The following THADA variants were observed in gnomAD, a reference collection of about 807,000 sequenced individuals.
THADA encodes THADA armadillo repeat containing.
A neutral mutation model predicts 219.8 loss-of-function variants in THADA; 213 were observed. The observed-to-expected ratio is 0.97, with a 90% CI of 0.87 to 1.09. The LOEUF is 1.09. Among genes scored for constraint, THADA ranks in the 50% least tolerant of loss-of-function variants. The pLI is 0.00. For synonymous variants in THADA, 1,018 were observed against 828.9 expected (o/e 1.23, Z -3.92); for missense variants, 2,956 against 2,311.3 (o/e 1.28, Z -5.72).
chr2:43,247,653 C>T (rs934317747), intron 36 of THADA, among the ~76,000 whole-genome samples: 4 of 148,010 alleles, frequency 2.7e-5, no homozygotes, highest in African/African-American at 1.0e-4. Flanking sequence ...CGCTTGAACC[C>T]AGGAGGCGGA....
At chr2:43,433,278 C>T (rs1408350593) in intron 26 of THADA, among the ~76,000 whole-genome samples, 3 of 151,678 alleles carry the variant, frequency 2.0e-5, no homozygotes, top group Non-Finnish European at 4.4e-5. Context: ...ACCTGTAATC[C>T]CAACATTTTG....
At chr2:43,532,047 A>G (rs371866088) in intron 21 of THADA, among the ~76,000 whole-genome samples, 10 of 151,800 alleles carry the variant, frequency 6.6e-5, no homozygotes, top group South Asian at 2.1e-4. Flanking sequence ...TACTGTCACA[A>G]CTTCTACTGA....
intron 31 of THADA, among the ~76,000 whole-genome samples, chr2:43,298,073 G>A (rs1262515282): frequency 9.5e-6 from 1 of 105,818 alleles, no homozygotes; most frequent in Non-Finnish European, 1.8e-5. Context: ...CCCTCTGCCC[G>A]GCCACCACCC....
intron 30 of THADA, among the ~76,000 whole-genome samples, chr2:43,338,815 C>G (rs1666765741): frequency 1.3e-5 from 2 of 152,102 alleles, no homozygotes; most frequent in African/African-American, 4.8e-5. Context: ...CATAATGCTG[C>G]TATGGAAACC....
At chr2:43,236,905 CAA>C (rs57933660) in intron 36 of THADA, among the ~76,000 whole-genome samples, 29 of 115,288 alleles carry the variant, frequency 2.5e-4, no homozygotes, top group Non-Finnish European at 2.8e-4. Context: ...ACTAAAAATA[CAA>C]AAAAAAAAAA....
chr2:43,449,716 C>A (rs1435261775), intron 26 of THADA, among the ~76,000 whole-genome samples: 2 of 152,148 alleles, frequency 1.3e-5, no homozygotes, highest in Non-Finnish European at 2.9e-5. Flanking sequence ...CTGCAGTGGG[C>A]TGTGATTGCA....
chr2:43,566,122 A>G, intron 15 of THADA: 1 of 240,796 alleles, frequency 4.2e-6, no homozygotes, highest in Non-Finnish European at 7.6e-6. Context: ...CTTGTCAAAA[A>G]GGAAAAAATG....
At chr2:43,340,949 C>T (rs1332285470) in intron 30 of THADA, among the ~76,000 whole-genome samples, 1 of 152,144 alleles carries the variant, frequency 6.6e-6, no homozygotes, top group Non-Finnish European at 1.5e-5. Context: ...GACACCGAGG[C>T]TTCATCACTT....
chr2:43,425,506 A>T (rs976231524), intron 28 of THADA, among the ~76,000 whole-genome samples: 7 of 149,760 alleles, frequency 4.7e-5, no homozygotes, highest in African/African-American at 1.7e-4. Flanking sequence ...TAAATTTAAT[A>T]TCCCAAGTTT....
At chr2:43,592,173 G>A (rs1701652735) in intron 2 of THADA, 127 bp from the exon 3 acceptor site, 2 of 1,007,710 alleles carry the variant, frequency 2.0e-6, no homozygotes, top group Non-Finnish European at 2.9e-6. Flanking sequence ...TCTGAAGACA[G>A]AATTTTAAGA....
At chr2:43,451,967 C>T (rs1302308030) in intron 26 of THADA, among the ~76,000 whole-genome samples, 1 of 152,144 alleles carries the variant, frequency 6.6e-6, no homozygotes, top group East Asian at 1.9e-4. Flanking sequence ...ATTAGCCGGG[C>T]GTGATGGCGC....
intron 29 of THADA, among the ~76,000 whole-genome samples, chr2:43,385,532 G>A (rs988728945): frequency 5.9e-5 from 9 of 151,276 alleles, no homozygotes; most frequent in African/African-American, 4.9e-5. Flanking sequence ...GCGTGAACCC[G>A]GAAGGCGGAG....
At chr2:43,369,239 A>G (rs773644972) in intron 29 of THADA, among the ~76,000 whole-genome samples, 2 of 152,188 alleles carry the variant, frequency 1.3e-5, no homozygotes, top group East Asian at 3.8e-4. Flanking sequence ...ACCATGAGCT[A>G]TTTCAAATGT....
In THADA at chr2:43,430,222, G is replaced by A. The variant is rs771047180; in HGVS notation, c.3917C>T (p.Thr1306Ile). The A allele has an allele frequency of 1.5e-5, 23 of 1,537,636 alleles. 1 individual carries two copies. The South Asian group carries it at 2.1e-4, about 14-fold the overall frequency. ...CCAATTCTCTTCTTACCTGTCTACT[G>A]TATTGGCTACAGTTTCCAACTGTTT... ...LLKQLETVAN[T>I]VDSDMGEPNR... is the part of the protein sequence containing the mutation. The change falls in exon 27 of 38, where the codon ACA becomes ATA. Residue 1306 changes from threonine to isoleucine, a missense_variant. Coordinates refer to ENST00000405975, the MANE Select transcript of THADA (RefSeq NM_022065.5).
rs143534024 is a variant in THADA at position 43,380,873 on chromosome 2, T to C, written c.4227+17098A>G. On this transcript the variant is annotated intron_variant, in intron 29 of 37. Transcript: ENST00000405975. ...CAGCACTTTGGGAGGCTGAGGTGGG[T>C]GGATCACCTGAGGTTAGGAGTTCGA... Among the ~76,000 whole-genome samples, 815 of 151,580 alleles carry C rather than the reference T, an allele frequency of 5.4e-3. 4 individuals carry two copies. Among genetic ancestry groups the C allele is most frequent in the Non-Finnish European group, 9.0e-3 (611 of 67,874 alleles).
chr2:43,578,022 T>C (rs1700036604), intron 9 of THADA, among the ~76,000 whole-genome samples: 1 of 152,318 alleles, frequency 6.6e-6, no homozygotes, highest in Non-Finnish European at 1.5e-5. Flanking sequence ...GTGACTGTTA[T>C]TGTCTTTTTG....
chr2:43,338,293 A>T (rs1002865481), intron 30 of THADA, among the ~76,000 whole-genome samples: 1 of 151,598 alleles, frequency 6.6e-6, no homozygotes. Flanking sequence ...AGTAGCTGGG[A>T]CTACAGGTGT....
chr2:43,522,840 T>A (rs1419757694), intron 22 of THADA, among the ~76,000 whole-genome samples: 2 of 152,094 alleles, frequency 1.3e-5, no homozygotes, highest in Non-Finnish European at 2.9e-5. Context: ...AAAGGATTTT[T>A]CTCTCTATAA....
chr2:43,513,156 A>T (rs1421031270), intron 22 of THADA, among the ~76,000 whole-genome samples: 1 of 152,142 alleles, frequency 6.6e-6, no homozygotes, highest in Non-Finnish European at 1.5e-5. Flanking sequence ...GTTTGTTCTT[A>T]TGTCTAATAA....
Sources: allele counts gnomAD v4.1 joint callset (sites outside exome capture counted in the v4.1 genomes callset), GRCh38; gene constraint gnomAD v4.1.1; transcripts MANE v1.5; gene names NCBI Gene and HGNC (gene_info 2026-07-23, HGNC 2026-07-21).